The following EEF2KMT variants were observed in gnomAD, a reference collection of about 807,000 sequenced individuals.
The protein encoded by EEF2KMT is eukaryotic elongation factor 2 lysine methyltransferase, also known as protein-lysine N-methyltransferase EEF2KMT.
EEF2KMT carries 30 observed loss-of-function variants against 35.1 expected under a neutral mutation model. The ratio of observed to expected loss-of-function variants is 0.85; its 90% CI spans 0.64 to 1.16. The LOEUF is 1.16. EEF2KMT is among the 50% of genes most tolerant of loss of function. The probability of loss-of-function intolerance (pLI) is 0.00; values close to 1 mark genes in which losing one functional copy is unlikely to be tolerated. For missense variants in EEF2KMT, 499 were observed against 438.2 expected, an observed-to-expected ratio of 1.14 and a Z score of -1.24; for synonymous variants, 190 against 187.7, an observed-to-expected ratio of 1.01 and a Z score of -0.10.
chr16:5,089,521 CT>C lies in EEF2KMT; in HGVS notation c.743-266del, dbSNP rs1192191242. On this transcript the variant is annotated intron_variant, in intron 6 of 7. Transcript: ENST00000427587. ...TAAAAAACCAGCTCTGGTTCTTGGC[CT>C]ATCTAGAGGGCTTTGAATGACACAA... The C allele has an allele frequency of 5.3e-6, 3 of 564,938 alleles. No individual in the cohort carries two copies. In the African/African-American group the frequency reaches 5.6e-5, roughly 11 times the overall value. The allele number at this position is 564,938 out of a possible 1,614,324, so 35.0% of individuals were successfully genotyped here.
chr16:5,092,266 C>T (rs532149482), intron 3 of EEF2KMT, among the ~76,000 whole-genome samples: 1 of 152,244 alleles, frequency 6.6e-6, no homozygotes, highest in East Asian at 1.9e-4. Flanking sequence ...TGAGAGTTGC[C>T]AGGTGACCAT....
chr16:5,093,156 G>A (rs1003265713), intron 3 of EEF2KMT, among the ~76,000 whole-genome samples: 11 of 152,216 alleles, frequency 7.2e-5, no homozygotes, highest in Non-Finnish European at 1.2e-4. Flanking sequence ...CCTTCAGCGG[G>A]CAGGACAGAG....
chr16:5,089,225 C>T lies in EEF2KMT; in HGVS notation c.774G>A (p.Ser258=), dbSNP rs150787615. Residue 258 remains serine (S), a synonymous_variant, in exon 7 of 8, where the codon TCG becomes TCA. Transcript: ENST00000427587. ...CCAGCCTCCGCAGGACCCCGACCAG[C>T]GACATGATGGCTTCTGGGCAATACA... ...DVLYCPEAIM[S]LVGVLRRLAA... 4.5e-5 allele frequency: 72 copies of T among 1,607,324 alleles called. No homozygotes were observed. In the Middle Eastern group the frequency reaches 2.6e-3, roughly 59 times the overall value.
intron 1 of EEF2KMT, 72 bp from the exon 2 acceptor site, chr16:5,095,586 T>C: frequency 6.2e-7 from 1 of 1,605,016 alleles, no homozygotes; most frequent in Non-Finnish European, 8.5e-7. Flanking sequence ...TAGAATGTGT[T>C]GGCAAAGCGC....
At chr16:5,091,224 G>T (rs540753181) in intron 4 of EEF2KMT, among the ~76,000 whole-genome samples, 1 of 152,172 alleles carries the variant, frequency 6.6e-6, no homozygotes, top group Non-Finnish European at 1.5e-5. Flanking sequence ...TGGGATTACA[G>T]GTGCCCACTA....
chr16:5,084,508 C>T lies in EEF2KMT; in HGVS notation c.*1124G>A, dbSNP rs1006577379. Reference sequence around the variant, plus strand: ...AGGGGAATGGGCAGCACGTAGAGGCCGGGAGGTGCTCCAGGGCACCAAGTG... The same window carrying T: ...AGGGGAATGGGCAGCACGTAGAGGCTGGGAGGTGCTCCAGGGCACCAAGTG... On this transcript the variant is annotated 3_prime_UTR_variant, in exon 8 of 8. Coordinates refer to ENST00000427587, the MANE Select transcript of EEF2KMT (RefSeq NM_201400.4). 4.5e-5 allele frequency: 30 copies of T among 663,100 alleles called. No homozygotes were observed. The highest frequency in any genetic ancestry group is 2.6e-4 in the Admixed American group (11 of 41,594). The allele number at this position is 663,100 out of a possible 1,614,324, so 41.1% of individuals were successfully genotyped here. A position where few individuals can be genotyped will look rare whatever the true frequency, so the allele number is the denominator to read the frequency against.
intron 3 of EEF2KMT, among the ~76,000 whole-genome samples, chr16:5,092,912 A>T (rs1354985195): frequency 6.6e-6 from 1 of 152,096 alleles, no homozygotes; most frequent in East Asian, 1.9e-4. Flanking sequence ...GGGAGCCGAG[A>T]TTGTGTCACG....
chr16:5,097,699 T>C lies in EEF2KMT; in HGVS notation c.41A>G (p.Gln14Arg), dbSNP rs1458623469. ...CGCCAGGAAGCGGCGCTCGAAACTC[T>C]GCAGCAAGAGTTCGGTCCCCGCGTT... Reference protein sequence around the residue: ...EENAGTELLLQSFERRFLAAR... With the variant: ...EENAGTELLLRSFERRFLAAR... Residue 14 changes from glutamine (Q) to arginine (R), a missense_variant, in exon 1 of 8, where the codon CAG becomes CGG. Physicochemically the swap from Gln to Arg is conservative, Grantham distance 43. Coordinates refer to ENST00000427587, the MANE Select transcript of EEF2KMT (RefSeq NM_201400.4). The C allele has an allele frequency of 1.3e-6, 2 of 1,581,662 alleles. No individual in the cohort carries two copies. The highest frequency in any genetic ancestry group is 1.3e-5 in the African/African-American group (1 of 74,324).
chr16:5,092,287 C>T (rs1454546824), intron 3 of EEF2KMT, among the ~76,000 whole-genome samples: 3 of 152,180 alleles, frequency 2.0e-5, no homozygotes, highest in East Asian at 1.9e-4. Flanking sequence ...GATAGAGAGC[C>T]GTGTTTGGAT....
chr16:5,091,725 A>C, intron 4 of EEF2KMT, 69 bp downstream of exon 4: 1 of 1,599,890 alleles, frequency 6.3e-7, no homozygotes, highest in Non-Finnish European at 8.5e-7. Flanking sequence ...ACCCACACCC[A>C]CGTTTTCACT....
intron 1 of EEF2KMT, among the ~76,000 whole-genome samples, chr16:5,096,207 C>G (rs1191238055): frequency 1.3e-5 from 2 of 152,210 alleles, no homozygotes; most frequent in African/African-American, 4.8e-5. Flanking sequence ...CACTCAGGCC[C>G]CAGTTCAAAT....
Position 5,090,065 on chromosome 16 carries a change from G to A in EEF2KMT, c.742+19C>T. On this transcript the variant is annotated intron_variant, in intron 6 of 7. Transcript: ENST00000427587. This position sits in a 1 kb window ranked among gnomAD's most constrained non-coding sequence, Gnocchi z 4.1. The stretch of plus-strand genomic sequence containing the variant: ...TGCAAGGACACCACCTGCACAGGGT[G>A]CCCGGGGCTGGGCATTACCTGCTGC... 2 of 1,600,884 alleles carry A rather than the reference G, an allele frequency of 1.2e-6. No homozygotes were observed. Among genetic ancestry groups the A allele is most frequent in the Non-Finnish European group, 1.7e-6 (2 of 1,179,786 alleles).
chr16:5,085,440 T>A lies in EEF2KMT; in HGVS notation c.*192A>T. On this transcript the variant is annotated 3_prime_UTR_variant, in exon 8 of 8. Transcript: ENST00000427587. ...TGATTTTCTTAAGAACCAGAACTGC[T>A]GGCAGAAAGGGGGCACCCACACGCT... 2 of 601,702 alleles carry A rather than the reference T, an allele frequency of 3.3e-6. No individual in the cohort carries two copies. Among genetic ancestry groups the A allele is most frequent in the East Asian group, 5.8e-5 (2 of 34,328 alleles). 37.3% of individuals were successfully genotyped at this position (601,702 alleles called of 1,614,324 possible).
rs1392570004 is a variant in EEF2KMT at position 5,095,524 on chromosome 16, G to C, written c.97-10C>G. The C allele has an allele frequency of 1.2e-6, 2 of 1,611,486 alleles. No homozygotes were observed. The highest frequency in any genetic ancestry group is 1.7e-5 in the Admixed American group (1 of 59,986). On this transcript the variant is annotated splice_polypyrimidine_tract_variant and intron_variant, in intron 1 of 7. Coordinates refer to ENST00000427587, the MANE Select transcript of EEF2KMT (RefSeq NM_201400.4). The stretch of plus-strand genomic sequence containing the variant: ...ACTTTGCTTCTAAGCTCTGTGTGGA[G>C]GGGAAAGAGAGAAATCTCAAGGGCG...
At chr16:5,091,237 ACACCCCG>A (rs1957334847) in intron 4 of EEF2KMT, among the ~76,000 whole-genome samples, 1 of 152,068 alleles carries the variant, frequency 6.6e-6, no homozygotes, top group Non-Finnish European at 1.5e-5. Context: ...GCCCACTACC[ACACCCCG>A]CTAATTTTTG....
Position 5,085,578 on chromosome 16 carries a change from C to G in EEF2KMT, c.*54G>C. 7.9e-7 allele frequency: 1 copy of G among 1,262,610 alleles called. No individual in the cohort carries two copies. Among genetic ancestry groups the G allele is most frequent in the Non-Finnish European group, 1.2e-6 (1 of 861,394 alleles). 78.2% of individuals were successfully genotyped at this position (1,262,610 alleles called of 1,614,324 possible). On this transcript the variant is annotated 3_prime_UTR_variant, in exon 8 of 8. Transcript: ENST00000427587. ...TTATCCGCTTTCCCATATAAAAATT[C>G]TTCCCATGAGAGTGACTTGATTCTC... is the stretch of plus-strand genomic sequence containing the variant.
chr16:5,089,488 G>A (rs1957294544), intron 6 of EEF2KMT: 2 of 640,342 alleles, frequency 3.1e-6, no homozygotes, highest in South Asian at 2.0e-5. Flanking sequence ...AGACTCACTG[G>A]TGTTCCTTAA....
In EEF2KMT at chr16:5,084,679, C is replaced by G; in HGVS notation, c.*953G>C. On this transcript the variant is annotated 3_prime_UTR_variant, in exon 8 of 8. Coordinates refer to ENST00000427587, the MANE Select transcript of EEF2KMT (RefSeq NM_201400.4). ...TGTTGTTGGGTCGGGGACCTGGGGT[C>G]AGCCAGGTGGTGACCTGGGATGGGG... The G allele has an allele frequency of 5.0e-6, 8 of 1,592,388 alleles. No individual in the cohort carries two copies. Among genetic ancestry groups the G allele is most frequent in the Non-Finnish European group, 6.8e-6 (8 of 1,176,832 alleles).
intron 6 of EEF2KMT, 68 bp from the exon 7 acceptor site, chr16:5,089,324 G>C: frequency 6.3e-7 from 1 of 1,585,414 alleles, no homozygotes; most frequent in Non-Finnish European, 8.5e-7. Flanking sequence ...GACGTCAGCA[G>C]CAGGGCGAGG....
Sources: gnomAD v4.1 joint callset for allele counts (sites outside exome capture counted in the v4.1 genomes callset) on GRCh38, gnomAD v4.1.1 for gene constraint, Gnocchi (gnomAD v3.1) non-coding constraint, MANE v1.5 for transcripts, NCBI Gene and HGNC (gene_info 2026-07-23, HGNC 2026-07-21) for gene names.